HS3ST4: variants seen among roughly 807,000 people sequenced by gnomAD.
HS3ST4 encodes heparan sulfate-glucosamine 3-sulfotransferase 4.
A neutral mutation model predicts 29.2 loss-of-function variants in HS3ST4; 17 were observed. That is an observed-to-expected ratio of 0.58 (90% confidence interval 0.40 to 0.87). The LOEUF (loss-of-function observed/expected upper bound fraction) is 0.87. Ranked by LOEUF, HS3ST4 falls within the 40% of genes least tolerant of loss-of-function variation. HS3ST4 has a pLI of 0.00. For missense variants in HS3ST4, 627 were observed against 634.5 expected (o/e 0.99, Z 0.13); for synonymous variants, 314 against 285.7 (o/e 1.10, Z -1.00).
chr16:26,094,393 C>G (rs568526772), intron 1 of HS3ST4, among the ~76,000 whole-genome samples: 56 of 152,228 alleles, frequency 3.7e-4, no homozygotes, highest in African/African-American at 1.3e-3. Context: ...AAAGGGAAGC[C>G]CATCAGACTA....
chr16:25,808,574 A>G (rs1176174130), intron 1 of HS3ST4, among the ~76,000 whole-genome samples: 1 of 151,976 alleles, frequency 6.6e-6, no homozygotes, highest in Non-Finnish European at 1.5e-5. Flanking sequence ...TTTCTTTTTC[A>G]AGATTGTTTT....
intron 1 of HS3ST4, among the ~76,000 whole-genome samples, chr16:26,125,562 G>C (rs1444485728): frequency 1.3e-5 from 2 of 152,210 alleles, no homozygotes; most frequent in Non-Finnish European, 2.9e-5. Flanking sequence ...GGGGACCCCT[G>C]CTTTAGTAGA....
At chr16:26,104,848 C>T (rs940813220) in intron 1 of HS3ST4, among the ~76,000 whole-genome samples, 1 of 150,166 alleles carries the variant, frequency 6.7e-6, no homozygotes, top group Non-Finnish European at 1.5e-5. Context: ...TTAAGCAGTC[C>T]TTGGACTGGA....
At chr16:25,835,990 G>A (rs148180285) in intron 1 of HS3ST4, among the ~76,000 whole-genome samples, 45 of 152,212 alleles carry the variant, frequency 3.0e-4, no homozygotes, top group African/African-American at 8.4e-4. Context: ...AGGGCATTCC[G>A]GAGGGCTGGG....
intron 1 of HS3ST4, among the ~76,000 whole-genome samples, chr16:25,785,384 C>T (rs982374972): frequency 4.6e-5 from 7 of 152,146 alleles, no homozygotes; most frequent in Admixed American, 2.0e-4. Flanking sequence ...GGATTCAATT[C>T]GACTCCCTGA....
At chr16:26,098,215 C>T (rs1898951074) in intron 1 of HS3ST4, among the ~76,000 whole-genome samples, 1 of 152,070 alleles carries the variant, frequency 6.6e-6, no homozygotes, top group Non-Finnish European at 1.5e-5. Context: ...ACCATTTGAC[C>T]CAGCAATCCC....
intron 1 of HS3ST4, among the ~76,000 whole-genome samples, chr16:26,107,331 T>C (rs1409653913): frequency 6.7e-6 from 1 of 148,920 alleles, no homozygotes; most frequent in African/African-American, 2.5e-5. Flanking sequence ...AAAATGCCAT[T>C]AGGCTGAGAT....
chr16:25,948,654 C>G (rs141697073), intron 1 of HS3ST4, among the ~76,000 whole-genome samples: 1 of 152,132 alleles, frequency 6.6e-6, no homozygotes, highest in Non-Finnish European at 1.5e-5. Flanking sequence ...GTGTAAAACT[C>G]CAGGCATTCC....
At chr16:25,828,284 CTTTCTTTCTTTCTTTCCCTCTCT>C (rs1567249432) in intron 1 of HS3ST4, among the ~76,000 whole-genome samples, 20 of 89,514 alleles carry the variant, frequency 2.2e-4, no homozygotes, top group East Asian at 7.9e-4. Flanking sequence ...TTCTTTCTTT[CTTTCTTTCTTTCTTTCCCTCTCT>C]CTCTCTCTCT....
At chr16:26,130,063 C>G (rs1246619934) in intron 1 of HS3ST4, among the ~76,000 whole-genome samples, 1 of 152,138 alleles carries the variant, frequency 6.6e-6, no homozygotes, top group African/African-American at 2.4e-5. Context: ...CTGTTCTTAG[C>G]AAAGCACCAG....
At chr16:25,806,041 C>T (rs985727978) in intron 1 of HS3ST4, among the ~76,000 whole-genome samples, 6 of 152,116 alleles carry the variant, frequency 3.9e-5, no homozygotes, top group Non-Finnish European at 7.4e-5. Context: ...TTATTTCATT[C>T]CTTTTTATGG....
At chr16:25,752,517 AAAAG>A (rs1321979718) in intron 1 of HS3ST4, among the ~76,000 whole-genome samples, 1 of 152,170 alleles carries the variant, frequency 6.6e-6, no homozygotes, top group Non-Finnish European at 1.5e-5. Context: ...GGGAGGAAAA[AAAAG>A]GCAACAAAGG....
At chr16:26,080,155 G>T (rs574798941) in intron 1 of HS3ST4, among the ~76,000 whole-genome samples, 1 of 152,028 alleles carries the variant, frequency 6.6e-6, no homozygotes, top group Non-Finnish European at 1.5e-5. Context: ...CTTGCTCAAC[G>T]TGAGGTTCGA....
At chr16:26,103,198 T>A (rs1021431969) in intron 1 of HS3ST4, among the ~76,000 whole-genome samples, 6 of 152,288 alleles carry the variant, frequency 3.9e-5, no homozygotes, top group Middle Eastern at 3.4e-3. Flanking sequence ...TTTTACACAG[T>A]TACCTTATTT....
At chr16:25,694,777 T>C (rs1462497141) in intron 1 of HS3ST4, among the ~76,000 whole-genome samples, 1 of 152,102 alleles carries the variant, frequency 6.6e-6, no homozygotes, top group Non-Finnish European at 1.5e-5. Context: ...GTTTTTTTTT[T>C]TTCCAATTCT....
chr16:25,967,295 A>C (rs1280368071), intron 1 of HS3ST4, among the ~76,000 whole-genome samples: 1 of 152,114 alleles, frequency 6.6e-6, no homozygotes, highest in Non-Finnish European at 1.5e-5. Context: ...CTGGGACTAC[A>C]GGTTCGAGCC....
At chr16:25,936,211 C>T (rs956687853) in intron 1 of HS3ST4, among the ~76,000 whole-genome samples, 18 of 152,200 alleles carry the variant, frequency 1.2e-4, no homozygotes, top group Non-Finnish European at 2.9e-5. Flanking sequence ...TTTCTTTCAG[C>T]ACCTGGAGAG....
intron 1 of HS3ST4, among the ~76,000 whole-genome samples, chr16:25,928,198 C>CAA (rs1171675963): frequency 5.4e-5 from 6 of 111,340 alleles, no homozygotes; most frequent in African/African-American, 9.9e-5. Context: ...TCCATCTTTC[C>CAA]AAAAAAAAAA....
chr16:25,726,616 G>C (rs1214830633), intron 1 of HS3ST4, among the ~76,000 whole-genome samples: 1 of 103,042 alleles, frequency 9.7e-6, no homozygotes, highest in African/African-American at 3.0e-5. Flanking sequence ...ACTCTTGCCA[G>C]CTTTGTCTGG....
Sources: gnomAD v4.1 joint callset for allele counts (sites outside exome capture counted in the v4.1 genomes callset) on GRCh38, gnomAD v4.1.1 for gene constraint, MANE v1.5 for transcripts, NCBI Gene and HGNC (gene_info 2026-07-23, HGNC 2026-07-21) for gene names.